Variants in SGSM3 observed in about 807,000 individuals in gnomAD.
The protein encoded by SGSM3 is small G protein signaling modulator 3.
In SGSM3, 96 loss-of-function variants were observed where a neutral mutation model predicts 100.5. The observed-to-expected ratio is 0.96, with a 90% CI of 0.81 to 1.13. The LOEUF (loss-of-function observed/expected upper bound fraction) is 1.13, where lower values mean the gene tolerates loss of function less well. Ranked by LOEUF, SGSM3 falls within the 50% of genes most tolerant of loss-of-function variation. The pLI, the probability that SGSM3 is intolerant of heterozygous loss-of-function variation, is 0.00. For synonymous variants in SGSM3, 483 were observed against 422.8 expected, an observed-to-expected ratio of 1.14 and a Z score of -1.75; for missense variants, 1,001 against 1,015.8, an observed-to-expected ratio of 0.99 and a Z score of 0.20.
chr22:40,404,696 G>T, intron 6 of SGSM3, 32 bp downstream of exon 6: 1 of 1,517,806 alleles, frequency 6.6e-7, no homozygotes. Context: ...AGGAAGAGCT[G>T]GAGGCTGTGT....
chr22:40,373,581 TA>T (rs2045974613), intron 1 of SGSM3: 1 of 152,234 alleles, frequency 6.6e-6, no homozygotes, highest in Non-Finnish European at 1.5e-5. Flanking sequence ...CATGTCAATG[TA>T]TGTTTCCCAC....
Position 40,407,738 on chromosome 22 carries a change from G to T in SGSM3, c.1525-51G>T, listed in dbSNP as rs56236935. On this transcript the variant is annotated intron_variant, in intron 13 of 21. Coordinates refer to ENST00000248929, the MANE Select transcript of SGSM3 (RefSeq NM_015705.6). The surrounding 1 kb of genome is among the most constrained non-coding windows in gnomAD (Gnocchi z 4.7). Reference sequence around the variant, plus strand: ...GAGTCATATCGGGGGTGCAGGAGGCGCTGGCCCAGGGCACCCAGCTTTGGT... The same window carrying T: ...GAGTCATATCGGGGGTGCAGGAGGCTCTGGCCCAGGGCACCCAGCTTTGGT... 2.1e-3 allele frequency: 3,359 copies of T among 1,604,524 alleles called. 63 individuals carry two copies. In the African/African-American group the frequency reaches 0.039, roughly 19 times the overall value.
At chr22:40,394,969 C>G (rs895783745) in intron 1 of SGSM3, among the ~76,000 whole-genome samples, 4 of 152,144 alleles carry the variant, frequency 2.6e-5, no homozygotes, top group Non-Finnish European at 5.9e-5. Context: ...CTAATAATAA[C>G]TGGCATTTAT....
intron 1 of SGSM3, among the ~76,000 whole-genome samples, chr22:40,378,943 T>C (rs2047103317): frequency 6.6e-6 from 1 of 152,204 alleles, no homozygotes; most frequent in East Asian, 1.9e-4. Context: ...TGCTGCTCTT[T>C]GTTTCGGACC....
intron 1 of SGSM3, among the ~76,000 whole-genome samples, chr22:40,392,755 G>A (rs2049527009): frequency 6.6e-6 from 1 of 152,040 alleles, no homozygotes; most frequent in Non-Finnish European, 1.5e-5. Context: ...TCACTATGTT[G>A]TGCAACCATC....
intron 1 of SGSM3, among the ~76,000 whole-genome samples, chr22:40,377,138 T>A (rs1378911283): frequency 1.3e-5 from 2 of 152,206 alleles, no homozygotes; most frequent in African/African-American, 2.4e-5. Context: ...CAGCATCCAA[T>A]CCAGGTTCTT....
Position 40,410,060 on chromosome 22 carries a change from GCT to G in SGSM3, c.*303_*304del. 3.1e-6 allele frequency: 4 copies of G among 1,278,852 alleles called. No homozygotes were observed. Among genetic ancestry groups the G allele is most frequent in the Non-Finnish European group, 3.9e-6 (4 of 1,013,790 alleles). 79.2% of individuals were successfully genotyped at this position (1,278,852 alleles called of 1,614,324 possible). A position where few individuals can be genotyped will look rare whatever the true frequency, so the allele number is the denominator to read the frequency against. On this transcript the variant is annotated 3_prime_UTR_variant, in exon 22 of 22. Coordinates refer to ENST00000248929, the MANE Select transcript of SGSM3 (RefSeq NM_015705.6). ...GGAAGGGGATGGGGGTGGCTAGTAGGCTCCTGGCCTCTTTGGTTTATAAATAA... is the reference window on the plus strand; with the variant it reads ...GGAAGGGGATGGGGGTGGCTAGTAGGCCTGGCCTCTTTGGTTTATAAATAA...
intron 1 of SGSM3, chr22:40,390,515 T>C (rs2049208244): frequency 6.6e-6 from 1 of 152,206 alleles, no homozygotes; most frequent in Non-Finnish European, 1.5e-5. Context: ...TCAAAACCAG[T>C]GCTATAGGGA....
chr22:40,404,391 T>G lies in SGSM3; in HGVS notation c.302T>G (p.Leu101Arg). 1.2e-6 allele frequency: 2 copies of G among 1,608,854 alleles called. No homozygotes were observed. Among genetic ancestry groups the G allele is most frequent in the Non-Finnish European group, 1.7e-6 (2 of 1,177,182 alleles). Residue 101 changes from leucine (L) to arginine (R), a missense_variant, in exon 5 of 22, where the codon CTA (leucine) becomes CGA (arginine). Physicochemically the swap from Leu to Arg is moderately radical, Grantham distance 102 (BLOSUM62 -2). Transcript: ENST00000248929. ...DLTWDKIAVS[L>R]PRSEKLRSLV... ...ACCTGGGACAAGATTGCCGTCTCCC[T>G]ACCCCGCTCTGAGAAGCTCCGCTCC...
intron 1 of SGSM3, among the ~76,000 whole-genome samples, 178 bp from the exon 2 acceptor site, chr22:40,400,518 C>G (rs1157497006): frequency 6.6e-6 from 1 of 152,080 alleles, no homozygotes; most frequent in African/African-American, 2.4e-5. Context: ...TGGTGCAACC[C>G]TGTAGTCCCA....
intron 1 of SGSM3, among the ~76,000 whole-genome samples, chr22:40,381,131 A>G (rs2047495259): frequency 6.6e-6 from 1 of 152,056 alleles, no homozygotes; most frequent in African/African-American, 2.4e-5. Flanking sequence ...GAAAAGAGGT[A>G]CACGCTTTTC....
At position 40,410,274 on chromosome 22, in the gene SGSM3, G is replaced by GCTACCCACCCCTTCC; in HGVS notation, c.*515_*516insCTACCCACCCCTTCC. The GCTACCCACCCCTTCC allele has an allele frequency of 1.5e-6, 1 of 673,320 alleles. No homozygotes were observed. 41.7% of individuals were successfully genotyped at this position (673,320 alleles called of 1,614,324 possible). Reference sequence around the variant, plus strand: ...CCCACCCCTTCCATGGACTGAATAAGATGGACTAACAGGCCTGTGTTTTTG... The same window carrying GCTACCCACCCCTTCC: ...CCCACCCCTTCCATGGACTGAATAAGCTACCCACCCCTTCCATGGACTAACAGGCCTGTGTTTTTG... On this transcript the variant is annotated 3_prime_UTR_variant, in exon 22 of 22. Coordinates refer to ENST00000248929, the MANE Select transcript of SGSM3 (RefSeq NM_015705.6).
chr22:40,408,825 G>C lies in SGSM3; in HGVS notation c.1885G>C (p.Glu629Gln). The C allele has an allele frequency of 6.2e-7, 1 of 1,613,810 alleles. No homozygotes were observed. Among genetic ancestry groups the C allele is most frequent in the Non-Finnish European group, 8.5e-7 (1 of 1,180,010 alleles). ...TGAAGATGGCAAAGTCCTGACCCCG[G>C]AGGAGCTGCTCTACCGGGTAAGGGG... ...LDEDGKVLTP[E>Q]ELLYRAVQSV... Residue 629 changes from glutamate (E) to glutamine (Q), a missense_variant, in exon 18 of 22, where the codon GAG becomes CAG. Glu to Gln is a conservative substitution (Grantham distance 29). Coordinates refer to ENST00000248929, the MANE Select transcript of SGSM3 (RefSeq NM_015705.6).
In SGSM3 at chr22:40,410,271, T is replaced by G. The variant is rs1569240221; in HGVS notation, c.*512T>G. 3.0e-6 allele frequency: 2 copies of G among 664,628 alleles called. No individual in the cohort carries two copies. The highest frequency in any genetic ancestry group is 3.9e-6 in the Non-Finnish European group (2 of 516,576). The allele number at this position is 664,628 out of a possible 1,614,324, so 41.2% of individuals were successfully genotyped here. ...CTACCCACCCCTTCCATGGACTGAATAAGATGGACTAACAGGCCTGTGTTT... is the reference window on the plus strand; with the variant it reads ...CTACCCACCCCTTCCATGGACTGAAGAAGATGGACTAACAGGCCTGTGTTT... On this transcript the variant is annotated 3_prime_UTR_variant, in exon 22 of 22. Transcript: ENST00000248929.
At chr22:40,406,374 C>G in intron 9 of SGSM3, 64 bp from the exon 10 acceptor site, 1 of 1,493,686 alleles carries the variant, frequency 6.7e-7, no homozygotes, top group Non-Finnish European at 9.0e-7. Flanking sequence ...GGGTTGGGGT[C>G]AGCTCAGTGC....
chr22:40,388,963 G>A (rs1432500190), intron 1 of SGSM3, among the ~76,000 whole-genome samples: 3 of 152,192 alleles, frequency 2.0e-5, no homozygotes. Flanking sequence ...GAAGAATATG[G>A]AGGAGCTGCC....
At chr22:40,392,215 G>T (rs1316190814) in intron 1 of SGSM3, among the ~76,000 whole-genome samples, 2 of 146,700 alleles carry the variant, frequency 1.4e-5, no homozygotes, top group Non-Finnish European at 3.0e-5. Flanking sequence ...AGTATTGTCA[G>T]TTTTTTTTTT....
intron 10 of SGSM3, 57 bp downstream of exon 10, chr22:40,406,719 C>A: frequency 2.1e-6 from 3 of 1,437,078 alleles, no homozygotes; most frequent in Non-Finnish European, 2.9e-6. Context: ...GGAGGGGTCA[C>A]CTTGAAGTTC....
chr22:40,385,913 G>A (rs1015337610), intron 1 of SGSM3, among the ~76,000 whole-genome samples: 7 of 151,930 alleles, frequency 4.6e-5, no homozygotes, highest in African/African-American at 7.3e-5. Context: ...GTGCAGTGGT[G>A]CAACCTCAGC....
Sources: gnomAD v4.1 joint callset for allele counts (sites outside exome capture counted in the v4.1 genomes callset) on GRCh38, gnomAD v4.1.1 for gene constraint, Gnocchi (gnomAD v3.1) non-coding constraint, MANE v1.5 for transcripts, NCBI Gene and HGNC (gene_info 2026-07-23, HGNC 2026-07-21) for gene names.